The following COL23A1 variants were observed in gnomAD, a reference collection of about 807,000 sequenced individuals.
COL23A1 encodes collagen type XXIII alpha 1 chain.
A neutral mutation model predicts 99.3 loss-of-function variants in COL23A1; 97 were observed. That is an observed-to-expected ratio of 0.98 (90% confidence interval 0.83 to 1.16). The LOEUF is 1.16. Among genes scored for constraint, COL23A1 ranks in the 50% most tolerant of loss-of-function variants. The pLI is 0.00. For missense variants in COL23A1, 762 were observed against 757.4 expected, an observed-to-expected ratio of 1.01 and a Z score of -0.07; for synonymous variants, 320 against 308.2, an observed-to-expected ratio of 1.04 and a Z score of -0.40.
chr5:178,245,439 A>G (rs1764633755), intron 25 of COL23A1, among the ~76,000 whole-genome samples: 1 of 146,666 alleles, frequency 6.8e-6, no homozygotes, highest in South Asian at 2.2e-4. Flanking sequence ...CCATTCATCC[A>G]TCATTCTTCC....
Position 178,290,342 on chromosome 5 carries a change from G to A in COL23A1, c.414+20C>T, listed in dbSNP as rs1581536037. On this transcript the variant is annotated intron_variant, in intron 4 of 28. Transcript: ENST00000390654. ...ACATCTTATCTTTCAGAAGCAGACA[G>A]CACAGTCCAGGACACTTACTGGAGG... 6.2e-7 allele frequency: 1 copy of A among 1,614,034 alleles called. No individual in the cohort carries two copies. The highest frequency in any genetic ancestry group is 8.5e-7 in the Non-Finnish European group (1 of 1,180,006).
At chr5:178,362,343 C>T (rs1004276176) in intron 2 of COL23A1, among the ~76,000 whole-genome samples, 1 of 152,138 alleles carries the variant, frequency 6.6e-6, no homozygotes. Flanking sequence ...TCCCACTGAA[C>T]CATGGACAGC....
intron 2 of COL23A1, among the ~76,000 whole-genome samples, chr5:178,359,876 G>A (rs1762083489): frequency 6.6e-6 from 1 of 152,244 alleles, no homozygotes; most frequent in South Asian, 2.1e-4. Context: ...TCTTCCTCAA[G>A]GGTGAAGGGA....
At chr5:178,536,626 C>T (rs145584032) in intron 2 of COL23A1, among the ~76,000 whole-genome samples, 115 of 152,340 alleles carry the variant, frequency 7.5e-4, no homozygotes, top group Non-Finnish European at 1.4e-3. Flanking sequence ...TCTAGGCCCA[C>T]AGCACTGAGT....
intron 5 of COL23A1, among the ~76,000 whole-genome samples, chr5:178,279,208 C>T (rs995848466): frequency 6.6e-6 from 1 of 152,230 alleles, no homozygotes. Flanking sequence ...CAACCTCTTC[C>T]TCCTGAGCGC....
rs759748206 is a variant in COL23A1, at chr5:178,247,510, G to C, written c.1296+16C>G. ...CGGTGAGTCTGAGGCCAGTAGAGGG[G>C]TCTGTGCCCACTCACCTTGGGACCC... On this transcript the variant is annotated intron_variant, in intron 22 of 28. Transcript: ENST00000390654. 1 of 1,614,060 alleles carries C rather than the reference G, an allele frequency of 6.2e-7. No homozygotes were observed. The highest frequency in any genetic ancestry group is 2.2e-5 in the East Asian group (1 of 44,888).
chr5:178,267,431 T>A, intron 7 of COL23A1, 98 bp from the exon 8 acceptor site: 1 of 1,255,360 alleles, frequency 8.0e-7, no homozygotes, highest in Non-Finnish European at 1.1e-6. Flanking sequence ...AGACATGGTA[T>A]GACTTAATTC....
chr5:178,374,309 T>C (rs563510787), intron 2 of COL23A1, among the ~76,000 whole-genome samples: 2 of 152,256 alleles, frequency 1.3e-5, no homozygotes, highest in African/African-American at 4.8e-5. Context: ...CTCTCTCCAC[T>C]GCACAAACTC....
intron 2 of COL23A1, among the ~76,000 whole-genome samples, chr5:178,462,266 C>T (rs1756163506): frequency 2.6e-5 from 4 of 152,172 alleles, no homozygotes; most frequent in Non-Finnish European, 5.9e-5. Flanking sequence ...AGGCCCAATC[C>T]CCAACACAGC....
At chr5:178,510,685 TAAAAATAAAAAATAAAAA>T (rs892224446) in intron 2 of COL23A1, among the ~76,000 whole-genome samples, 1 of 21,574 alleles carries the variant, frequency 4.6e-5, no homozygotes, top group African/African-American at 7.5e-5. Flanking sequence ...AAATAAAAAA[TAAAAATAAAAAATAAAAA>T]AAAGAGAAAA....
rs758584088 is a variant in COL23A1, at chr5:178,364,227, C to T, written c.362-57308G>A. 8.9e-4 allele frequency among the ~76,000 whole-genome samples: 136 copies of T among 152,200 alleles called. 1 individual carries two copies. Among genetic ancestry groups the T allele is most frequent in the Non-Finnish European group, 1.1e-3 (72 of 68,040 alleles). ...CCCTCCCTCCCGCCTAAGCCCACGT[C>T]CCTTGTAAGTCTGAGAAGAAAGCTC... On this transcript the variant is annotated intron_variant, in intron 2 of 28. Coordinates refer to ENST00000390654, the MANE Select transcript of COL23A1 (RefSeq NM_173465.4).
At chr5:178,508,551 G>A (rs1033019107) in intron 2 of COL23A1, among the ~76,000 whole-genome samples, 5 of 152,160 alleles carry the variant, frequency 3.3e-5, no homozygotes, top group Non-Finnish European at 5.9e-5. Context: ...TTGCTGTCAC[G>A]TGGGGTGGAC....
chr5:178,335,254 G>T (rs191743786), intron 2 of COL23A1, among the ~76,000 whole-genome samples: 1 of 152,240 alleles, frequency 6.6e-6, no homozygotes, highest in Non-Finnish European at 1.5e-5. Context: ...TCTTTGAAGA[G>T]AAATGATGTG....
In COL23A1 at chr5:178,550,244, T is replaced by G. The variant is rs1157792825; in HGVS notation, c.361+10438A>C. On this transcript the variant is annotated intron_variant, in intron 2 of 28. Transcript: ENST00000390654. ...AGATTTTTCTGTCTATACAGAAAATTTAACCTTTTAAGCTTAAAATGTTCA... is the reference window on the plus strand; with the variant it reads ...AGATTTTTCTGTCTATACAGAAAATGTAACCTTTTAAGCTTAAAATGTTCA... 2.0e-5 allele frequency among the ~76,000 whole-genome samples: 3 copies of G among 152,266 alleles called. No homozygotes were observed. The East Asian group carries it at 5.8e-4, about 29-fold the overall frequency.
intron 1 of COL23A1, among the ~76,000 whole-genome samples, chr5:178,586,524 A>G (rs1345236162): frequency 6.6e-6 from 1 of 152,120 alleles, no homozygotes; most frequent in East Asian, 1.9e-4. Flanking sequence ...AAAATGACAA[A>G]ATATGTCTGT....
intron 2 of COL23A1, among the ~76,000 whole-genome samples, chr5:178,453,177 G>T (rs1007225846): frequency 2.0e-5 from 3 of 152,182 alleles, no homozygotes; most frequent in African/African-American, 7.2e-5. Flanking sequence ...GCCGTATGTT[G>T]TGTGTTGTAA....
chr5:178,245,928 G>C lies in COL23A1; in HGVS notation c.1440+14C>G, dbSNP rs1008585283. The stretch of plus-strand genomic sequence containing the variant: ...GAGGCACCCAATTACTCAAAGTGAT[G>C]ATAAGACACTTACATCTAGTCCTGG... On this transcript the variant is annotated intron_variant, in intron 25 of 28. Transcript: ENST00000390654. 8.1e-6 allele frequency: 13 copies of C among 1,613,910 alleles called. No homozygotes were observed. In the African/African-American group the frequency reaches 1.7e-4, roughly 22 times the overall value.
At chr5:178,528,595 C>T (rs977513455) in intron 2 of COL23A1, among the ~76,000 whole-genome samples, 3 of 152,204 alleles carry the variant, frequency 2.0e-5, no homozygotes, top group African/African-American at 7.2e-5. Context: ...GGGTGGGTCA[C>T]AAGGTCAGAG....
At chr5:178,247,379 T>TG (rs1764759567) in intron 22 of COL23A1, 147 bp downstream of exon 22, 2 of 842,856 alleles carry the variant, frequency 2.4e-6, no homozygotes, top group Non-Finnish European at 3.8e-6. Context: ...GGTTATGCCC[T>TG]GGGGACTTGG....
Sources: gnomAD v4.1 joint callset for allele counts (sites outside exome capture counted in the v4.1 genomes callset) on GRCh38, gnomAD v4.1.1 for gene constraint, MANE v1.5 for transcripts, NCBI Gene and HGNC (gene_info 2026-07-23, HGNC 2026-07-21) for gene names.